C10orf88: variants seen among roughly 807,000 people sequenced by gnomAD.
The protein encoded by C10orf88 is ATPase PAAT.
In C10orf88, 29 loss-of-function variants were observed where a neutral mutation model predicts 34.2. That is an observed-to-expected ratio of 0.85 (90% CI 0.63 to 1.16). The LOEUF (loss-of-function observed/expected upper bound fraction) is 1.16. Ranked by LOEUF, C10orf88 falls within the 50% of genes most tolerant of loss-of-function variation. The pLI, the probability that C10orf88 is intolerant of heterozygous loss-of-function variation, is 0.00. For synonymous variants in C10orf88, 194 were observed against 197.4 expected (o/e 0.98, Z 0.15); for missense variants, 507 against 533.2 (o/e 0.95, Z 0.48).
Position 122,951,972 on chromosome 10 carries a change from T to A in C10orf88, c.423A>T (p.Thr141=). Residue 141 remains threonine, a synonymous_variant, in exon 3 of 6, where the codon ACA becomes ACT. Coordinates refer to ENST00000481909, the MANE Select transcript of C10orf88 (RefSeq NM_024942.4). ...AACTTACCTTTATTTTACAAGCATG[T>A]GTGGAGGACTCCAATTTTAGATTTT... ...YKKNLKLESS[T]HACKIKLLSF... 2 of 1,546,256 alleles carry A rather than the reference T, an allele frequency of 1.3e-6. No homozygotes were observed. The highest frequency in any genetic ancestry group is 4.5e-5 in the East Asian group (2 of 44,364).
In C10orf88 at chr10:122,937,721, G is replaced by A. The variant is rs767724784; in HGVS notation, c.1087C>T (p.Arg363Cys). ...CQENITKHGERILGVGMEEQS... is the reference protein window; with the variant it reads ...CQENITKHGECILGVGMEEQS... The stretch of plus-strand genomic sequence containing the variant: ...AATACTTACCCAACACCAAGAATGC[G>A]TTCACCATGCTTGGTGATGTTTTCC... The change falls in exon 5 of 6, where the codon CGC becomes TGC. Residue 363 changes from arginine (R) to cysteine (C), a missense_variant. By Grantham distance (180) the Arg-to-Cys change is radical. Coordinates refer to ENST00000481909, the MANE Select transcript of C10orf88 (RefSeq NM_024942.4). 37 of 1,605,078 alleles carry A rather than the reference G, an allele frequency of 2.3e-5. No individual in the cohort carries two copies. The highest frequency in any genetic ancestry group is 1.3e-4 in the African/African-American group (10 of 74,468).
chr10:122,942,554 T>C (rs1480333307), intron 4 of C10orf88, among the ~76,000 whole-genome samples: 4 of 150,456 alleles, frequency 2.7e-5, no homozygotes, highest in African/African-American at 4.9e-5. Context: ...AAATAAAGGG[T>C]ATTCAATTAG....
In C10orf88 at chr10:122,934,701, G is replaced by A. The variant is rs1028057714; in HGVS notation, c.1104-2040C>T. 6.6e-5 allele frequency among the ~76,000 whole-genome samples: 10 copies of A among 152,252 alleles called. No individual in the cohort carries two copies. In the South Asian group the frequency reaches 1.9e-3, roughly 28 times the overall value. On this transcript the variant is annotated intron_variant, in intron 5 of 5. Transcript: ENST00000481909. ...AGGAGTATAATTGCTGGGTTGTACGGTAACTGTATGTTTAGTTTTTAAGAT... is the reference window on the plus strand; with the variant it reads ...AGGAGTATAATTGCTGGGTTGTACGATAACTGTATGTTTAGTTTTTAAGAT...
At chr10:122,934,750 G>A (rs1848518681) in intron 5 of C10orf88, among the ~76,000 whole-genome samples, 1 of 152,262 alleles carries the variant, frequency 6.6e-6, no homozygotes, top group East Asian at 1.9e-4. Context: ...TTTTTAGAGT[G>A]ACTGTACCAT....
chr10:122,951,438 C>T (rs571052649), intron 3 of C10orf88, among the ~76,000 whole-genome samples: 5 of 151,818 alleles, frequency 3.3e-5, no homozygotes, highest in African/African-American at 1.2e-4. Context: ...AACTCCTGGG[C>T]TTGAGCAATC....
chr10:122,937,889 C>A lies in C10orf88; in HGVS notation c.919G>T (p.Asp307Tyr). ...MPQNHSFLENDLKNAMASFLP... is the reference protein window; with the variant it reads ...MPQNHSFLENYLKNAMASFLP... Reference sequence around the variant, plus strand: ...AAAGAGGCCATTGCATTTTTAAGATCATTTTCAAGAAAGGAATGGTTTTGA... The same window carrying A: ...AAAGAGGCCATTGCATTTTTAAGATAATTTTCAAGAAAGGAATGGTTTTGA... The change falls in exon 5 of 6, where the codon GAT becomes TAT. Residue 307 changes from aspartate to tyrosine, a missense_variant. Coordinates refer to ENST00000481909, the MANE Select transcript of C10orf88 (RefSeq NM_024942.4). The A allele has an allele frequency of 2.5e-6, 4 of 1,613,310 alleles. No individual in the cohort carries two copies. Among genetic ancestry groups the A allele is most frequent in the Non-Finnish European group, 3.4e-6 (4 of 1,179,494 alleles).
chr10:122,945,304 C>T (rs925493972), intron 4 of C10orf88, among the ~76,000 whole-genome samples: 7 of 152,058 alleles, frequency 4.6e-5, no homozygotes, highest in African/African-American at 1.7e-4. Context: ...ATAGCATGTA[C>T]AATTATGTAT....
At position 122,950,249 on chromosome 10, in the gene C10orf88, T is replaced by C. The variant is rs952369509; in HGVS notation, c.442-1394A>G. Among the ~76,000 whole-genome samples the C allele has an allele frequency of 2.0e-5, 3 of 152,374 alleles. No homozygotes were observed. In the East Asian group the frequency reaches 5.8e-4, roughly 29 times the overall value. Reference sequence around the variant, plus strand: ...TCACATAGTTGTTGCGAGGATTATATGTTAAAATTTCCAGTAGCTACCAGT... The same window carrying C: ...TCACATAGTTGTTGCGAGGATTATACGTTAAAATTTCCAGTAGCTACCAGT... On this transcript the variant is annotated intron_variant, in intron 3 of 5. Transcript: ENST00000481909.
intron 4 of C10orf88, among the ~76,000 whole-genome samples, chr10:122,941,468 A>C (rs553120100): frequency 7.2e-5 from 11 of 152,268 alleles, no homozygotes; most frequent in African/African-American, 2.6e-4. Context: ...AAAACTTCTG[A>C]GGTCCTTCCT....
At chr10:122,951,143 G>A (rs10902847) in intron 3 of C10orf88, among the ~76,000 whole-genome samples, 66,924 of 151,892 alleles carry the variant, frequency 0.44, 15,066 homozygotes, top group South Asian at 0.46. Flanking sequence ...ATAACTAACA[G>A]TTACCTTAAC....
chr10:122,945,285 T>C (rs1445763576), intron 4 of C10orf88, among the ~76,000 whole-genome samples: 6 of 152,172 alleles, frequency 3.9e-5, no homozygotes, highest in Non-Finnish European at 5.9e-5. Context: ...CTGCCAGTCA[T>C]ATAAAAGTAT....
At chr10:122,938,523 A>C (rs1848555280) in intron 4 of C10orf88, among the ~76,000 whole-genome samples, 1 of 152,050 alleles carries the variant, frequency 6.6e-6, no homozygotes, top group African/African-American at 2.4e-5. Context: ...ATGATAATAA[A>C]ATGTACTACT....
At chr10:122,935,799 T>A (rs928287331) in intron 5 of C10orf88, among the ~76,000 whole-genome samples, 2 of 151,826 alleles carry the variant, frequency 1.3e-5, no homozygotes, top group African/African-American at 4.8e-5. Context: ...TTTTCCTTTG[T>A]CAGTATTTTA....
intron 5 of C10orf88, among the ~76,000 whole-genome samples, chr10:122,936,576 C>G (rs1277790238): frequency 2.0e-5 from 3 of 151,870 alleles, no homozygotes; most frequent in African/African-American, 7.2e-5. Flanking sequence ...TGAGCTGTAG[C>G]TTTACGCTAC....
chr10:122,954,099 A>G lies in C10orf88; in HGVS notation c.80T>C (p.Leu27Pro). 1 of 1,580,524 alleles carries G rather than the reference A, an allele frequency of 6.3e-7. No homozygotes were observed. The highest frequency in any genetic ancestry group is 8.6e-7 in the Non-Finnish European group (1 of 1,166,910). The change falls in exon 1 of 6, where the codon CTG (leucine) becomes CCG (proline). Residue 27 changes from leucine (L) to proline (P), a missense_variant. Leu to Pro is a moderately conservative substitution (Grantham distance 98). Transcript: ENST00000481909. ...CCGGGTGAGGAGGAGGCTGTGGGTC[A>G]GGGCCCCGCCTGCAACATCCCAAGA... ...ASSWDVAGGA[L>P]THSLLLTRAG... is the part of the protein sequence containing the mutation.
intron 4 of C10orf88, among the ~76,000 whole-genome samples, chr10:122,945,030 GTA>G (rs1043884213): frequency 2.0e-5 from 3 of 150,034 alleles, no homozygotes; most frequent in South Asian, 2.1e-4. Flanking sequence ...ATATATGCGT[GTA>G]TATATGTGTA....
chr10:122,932,561 G>A lies in C10orf88; in HGVS notation c.1204C>T (p.His402Tyr), dbSNP rs1848493927. The A allele has an allele frequency of 1.2e-6, 2 of 1,613,858 alleles. No homozygotes were observed. The highest frequency in any genetic ancestry group is 1.7e-6 in the Non-Finnish European group (2 of 1,179,862). Residue 402 changes from histidine (H) to tyrosine (Y), a missense_variant, in exon 6 of 6, where the codon CAT becomes TAT. His to Tyr is a moderately conservative substitution (Grantham distance 83). Transcript: ENST00000481909. ...TCATCAATGTGCTCCTGGAGTTCAT[G>A]TATTCGCTGATCAATGTAATCCATA... Reference protein sequence around the residue: ...KLMDYIDQRIHELQEHIDDKI... With the variant: ...KLMDYIDQRIYELQEHIDDKI...
At chr10:122,939,062 A>G (rs1488913925) in intron 4 of C10orf88, among the ~76,000 whole-genome samples, 1 of 152,052 alleles carries the variant, frequency 6.6e-6, no homozygotes. Flanking sequence ...AATTAGCTGA[A>G]GAAACTCAGT....
At position 122,937,987 on chromosome 10, in the gene C10orf88, G is replaced by C; in HGVS notation, c.821C>G (p.Thr274Ser). 6.2e-7 allele frequency: 1 copy of C among 1,613,360 alleles called. No homozygotes were observed. ...CAGTTGTGTACTTTTATCAATGTAA[G>C]TTTGTAAGTTTTCAGTCACGTTCCC... ...TSGNVTENLQ[T>S]YIDKSTQLPG... The change falls in exon 5 of 6, where the codon ACT becomes AGT. Residue 274 changes from threonine (T) to serine (S), a missense_variant. By Grantham distance (58) the Thr-to-Ser change is moderately conservative. Coordinates refer to ENST00000481909, the MANE Select transcript of C10orf88 (RefSeq NM_024942.4).
Sources: gnomAD v4.1 joint callset for allele counts (sites outside exome capture counted in the v4.1 genomes callset) on GRCh38, gnomAD v4.1.1 for gene constraint, MANE v1.5 for transcripts, NCBI Gene and HGNC (gene_info 2026-07-23, HGNC 2026-07-21) for gene names.